Variants in RGS6 observed in about 807,000 individuals in gnomAD.
RGS6 encodes the protein regulator of G-protein signaling 6.
In RGS6, 30 loss-of-function variants were observed where a neutral mutation model predicts 78.5. The observed-to-expected ratio is 0.38, with a 90% confidence interval of 0.29 to 0.52. The LOEUF (loss-of-function observed/expected upper bound fraction) is 0.52. Among genes scored for constraint, RGS6 ranks in the 20% least tolerant of loss-of-function variants. RGS6 has a pLI of 0.85. For synonymous variants in RGS6, 206 were observed against 206.0 expected, an observed-to-expected ratio of 1.00 and a Z score of 0.00; for missense variants, 495 against 609.7, an observed-to-expected ratio of 0.81 and a Z score of 1.98.
intron 2 of RGS6, among the ~76,000 whole-genome samples, chr14:72,283,584 C>T (rs2061955646): frequency 6.6e-6 from 1 of 152,144 alleles, no homozygotes; most frequent in Non-Finnish European, 1.5e-5. Flanking sequence ...TGCCTTTTGC[C>T]TTCCACCATG....
rs115460623 is a variant in RGS6 at position 71,935,613 on chromosome 14, G to A, written c.-21+2672G>A. Among the ~76,000 whole-genome samples the A allele has an allele frequency of 3.8e-3, 578 of 152,088 alleles. 6 individuals are homozygous for A. The highest frequency in any genetic ancestry group is 0.013 in the African/African-American group (551 of 41,494). ...TGCACTTTGGGCTGGTAATGCTTGG[G>A]GCTTCCTTTTGAATTTAGGGATTAA... On this transcript the variant is annotated intron_variant, in intron 1 of 17. Coordinates refer to ENST00000553525, the MANE Select transcript of RGS6 (RefSeq NM_001204424.2).
Position 71,988,522 on chromosome 14 carries a change from A to G in RGS6, c.84+23647A>G, listed in dbSNP as rs185867487. ...GTATCTGTATATCAAGTTTTATTGA[A>G]ACACAGCCACATCATTTGTTTATGA... On this transcript the variant is annotated intron_variant, in intron 2 of 17. Coordinates refer to ENST00000553525, the MANE Select transcript of RGS6 (RefSeq NM_001204424.2). Among the ~76,000 whole-genome samples, 271 of 152,316 alleles carry G rather than the reference A, an allele frequency of 1.8e-3. 1 individual carries two copies. Among genetic ancestry groups the G allele is most frequent in the African/African-American group, 5.9e-3 (247 of 41,574 alleles).
At chr14:72,285,142 A>C (rs1567663736) in intron 2 of RGS6, among the ~76,000 whole-genome samples, 1 of 152,138 alleles carries the variant, frequency 6.6e-6, no homozygotes, top group Non-Finnish European at 1.5e-5. Flanking sequence ...TGGACTTTTG[A>C]GTTAATCCTG....
intron 12 of RGS6, among the ~76,000 whole-genome samples, chr14:72,483,945 C>T (rs74834851): frequency 0.047 from 7,110 of 151,094 alleles, 218 homozygotes; most frequent in Middle Eastern, 0.088. Context: ...TTATATTTTC[C>T]CTACTTCCCA....
the RGS6 span, among the ~76,000 whole-genome samples, chr14:71,923,937 C>T: frequency 4.6e-5 from 7 of 152,174 alleles, no homozygotes; most frequent in African/African-American, 1.7e-4. Flanking sequence ...CCTTCGTGAT[C>T]TATGCAGGGA....
chr14:72,254,176 T>C (rs1015074042), intron 2 of RGS6, among the ~76,000 whole-genome samples: 1 of 152,240 alleles, frequency 6.6e-6, no homozygotes, highest in Non-Finnish European at 1.5e-5. Context: ...AATAATTTTT[T>C]AGTTCATTTT....
At chr14:72,021,823 A>G (rs540527586) in intron 2 of RGS6, among the ~76,000 whole-genome samples, 20 of 151,506 alleles carry the variant, frequency 1.3e-4, no homozygotes, top group Middle Eastern at 3.4e-3. Context: ...AAGGTTTGCT[A>G]TGTAGGTAAG....
chr14:72,222,159 G>C (rs1017212616), intron 2 of RGS6, among the ~76,000 whole-genome samples: 1 of 152,172 alleles, frequency 6.6e-6, no homozygotes, highest in East Asian at 1.9e-4. Context: ...TTATGAATCA[G>C]CATCTCTGTC....
At chr14:72,605,896 G>A in the RGS6 span, among the ~76,000 whole-genome samples, 1 of 152,152 alleles carries the variant, frequency 6.6e-6, no homozygotes, top group African/African-American at 2.4e-5. Flanking sequence ...CCCAAAGATG[G>A]TTTCAAACTG....
chr14:72,598,969 G>T, the RGS6 span, among the ~76,000 whole-genome samples: 1 of 151,608 alleles, frequency 6.6e-6, no homozygotes, highest in Non-Finnish European at 1.5e-5. Context: ...AACAAGTTTG[G>T]TCTGGGCATT....
At chr14:72,047,921 T>TA (rs1567094171) in intron 2 of RGS6, among the ~76,000 whole-genome samples, 1 of 137,108 alleles carries the variant, frequency 7.3e-6, no homozygotes, top group African/African-American at 2.8e-5. Flanking sequence ...TTTTTTTTTT[T>TA]AGTAGAGACA....
At chr14:72,329,720 G>A (rs1329029317) in intron 2 of RGS6, among the ~76,000 whole-genome samples, 4 of 152,194 alleles carry the variant, frequency 2.6e-5, no homozygotes, top group Non-Finnish European at 4.4e-5. Flanking sequence ...CGTAGGGTGA[G>A]CCAGGTGGAG....
At chr14:72,337,635 G>A (rs905840359) in intron 2 of RGS6, among the ~76,000 whole-genome samples, 1 of 152,124 alleles carries the variant, frequency 6.6e-6, no homozygotes, top group African/African-American at 2.4e-5. Context: ...CTGGGCCCAG[G>A]GGTTTTCCTA....
In RGS6 at chr14:72,465,463, C is replaced by T. The variant is rs549456584; in HGVS notation, c.395-295C>T. On this transcript the variant is annotated intron_variant, in intron 6 of 17. Transcript: ENST00000553525. Reference sequence around the variant, plus strand: ...GTCCACTTAGAAAACATATTTTTCCCAGGACAGTGCTCATGAGGTCCACTT... The same window carrying T: ...GTCCACTTAGAAAACATATTTTTCCTAGGACAGTGCTCATGAGGTCCACTT... Among the ~76,000 whole-genome samples the T allele has an allele frequency of 3.5e-4, 16 of 45,154 alleles. 1 individual carries two copies. In the South Asian group the frequency reaches 0.015, roughly 43 times the overall value. The allele number at this position is 45,154 out of a possible 152,430, so 29.6% of individuals were successfully genotyped here.
intron 2 of RGS6, among the ~76,000 whole-genome samples, chr14:72,320,368 G>T (rs955070927): frequency 6.6e-6 from 1 of 151,940 alleles, no homozygotes; most frequent in East Asian, 1.9e-4. Context: ...CACGAGGTCG[G>T]GAGATCGAGA....
chr14:72,084,032 A>G lies in RGS6; in HGVS notation c.84+119157A>G, dbSNP rs2094928325. ...TAGGTGTTTGCATTTCTTCCTTTCT[A>G]AAAACACAGTGGTTTTGGAAATAAT... On this transcript the variant is annotated intron_variant, in intron 2 of 17. Coordinates refer to ENST00000553525, the MANE Select transcript of RGS6 (RefSeq NM_001204424.2). Among the ~76,000 whole-genome samples, 3 of 152,196 alleles carry G rather than the reference A, an allele frequency of 2.0e-5. No individual in the cohort carries two copies. The South Asian group carries it at 6.2e-4, about 32-fold the overall frequency.
intron 17 of RGS6, among the ~76,000 whole-genome samples, chr14:72,546,852 T>C (rs923158684): frequency 6.6e-5 from 10 of 152,220 alleles, no homozygotes; most frequent in Admixed American, 6.5e-5. Context: ...AGTGTGTGTA[T>C]GCCAAGCAGG....
At chr14:72,492,238 C>A (rs2096587689) in intron 12 of RGS6, among the ~76,000 whole-genome samples, 1 of 152,094 alleles carries the variant, frequency 6.6e-6, no homozygotes, top group Admixed American at 6.5e-5. Flanking sequence ...ACTCAAAGAC[C>A]CAGGGAAAAC....
the RGS6 span, among the ~76,000 whole-genome samples, chr14:71,914,863 C>CT: frequency 6.6e-6 from 1 of 151,738 alleles, no homozygotes; most frequent in African/African-American, 2.4e-5. Flanking sequence ...GCACCACTCC[C>CT]TTAAGAGTAG....
Sources: gnomAD v4.1 joint callset for allele counts (sites outside exome capture counted in the v4.1 genomes callset) on GRCh38, gnomAD v4.1.1 for gene constraint, MANE v1.5 for transcripts, NCBI Gene and HGNC (gene_info 2026-07-23, HGNC 2026-07-21) for gene names.